Variants in EVI5 observed in about 807,000 individuals in gnomAD.
The protein encoded by EVI5 is ecotropic viral integration site 5.
EVI5 carries 73 observed loss-of-function variants against 112.0 expected under a neutral mutation model. The ratio of observed to expected loss-of-function variants is 0.65; its 90% CI spans 0.54 to 0.79. The LOEUF (loss-of-function observed/expected upper bound fraction) is 0.79, where lower values mean the gene tolerates loss of function less well. Among genes scored for constraint, EVI5 ranks in the 30% least tolerant of loss-of-function variants. The pLI, the probability that EVI5 is intolerant of heterozygous loss-of-function variation, is 0.00. For missense variants in EVI5, 900 were observed against 968.8 expected (o/e 0.93, Z 0.94); for synonymous variants, 305 against 319.9 (o/e 0.95, Z 0.50).
chr1:92,654,247 C>T (rs1459688793), intron 13 of EVI5, among the ~76,000 whole-genome samples: 1 of 152,138 alleles, frequency 6.6e-6, no homozygotes, highest in Non-Finnish European at 1.5e-5. Flanking sequence ...TTACCCACAA[C>T]CACCACCTAC....
intron 1 of EVI5, among the ~76,000 whole-genome samples, chr1:92,744,901 A>C (rs1240808385): frequency 6.6e-6 from 1 of 152,080 alleles, no homozygotes; most frequent in East Asian, 1.9e-4. Flanking sequence ...AGTAGAAGGT[A>C]GAGGAATTTA....
intron 1 of EVI5, among the ~76,000 whole-genome samples, chr1:92,773,546 G>A (rs116119237): frequency 4.9e-3 from 743 of 152,020 alleles, no homozygotes; most frequent in African/African-American, 0.017. Flanking sequence ...GAAAGCTGAG[G>A]CAGGAAGATC....
intron 19 of EVI5, among the ~76,000 whole-genome samples, chr1:92,553,304 T>C (rs1327515749): frequency 1.4e-5 from 2 of 138,052 alleles, no homozygotes; most frequent in Non-Finnish European, 3.1e-5. Context: ...CCAATTTTTT[T>C]TTTTTTTTTT....
chr1:92,782,255 T>A (rs1684960567), intron 1 of EVI5, among the ~76,000 whole-genome samples: 1 of 151,372 alleles, frequency 6.6e-6, no homozygotes, highest in Non-Finnish European at 1.5e-5. Context: ...AGACTCCATC[T>A]TACAAAACAA....
chr1:92,703,802 A>G (rs998458441), intron 3 of EVI5, 183 bp from the exon 4 acceptor site: 14 of 553,002 alleles, frequency 2.5e-5, no homozygotes, highest in Non-Finnish European at 4.3e-5. Flanking sequence ...CCCTGGGTGT[A>G]TCCTCTTCTG....
chr1:92,727,936 G>C (rs560393475), intron 2 of EVI5, among the ~76,000 whole-genome samples: 69 of 151,460 alleles, frequency 4.6e-4, no homozygotes, highest in African/African-American at 1.6e-3. Flanking sequence ...GAAGGCTGCA[G>C]TGAGCCATGA....
At chr1:92,707,278 GA>G (rs1180638740) in intron 2 of EVI5, among the ~76,000 whole-genome samples, 3 of 145,898 alleles carry the variant, frequency 2.1e-5, no homozygotes, top group African/African-American at 7.6e-5. Context: ...AACTACAAAA[GA>G]AAAAATTGAT....
intron 2 of EVI5, among the ~76,000 whole-genome samples, chr1:92,720,582 A>G (rs1279500379): frequency 1.3e-5 from 2 of 152,200 alleles, no homozygotes; most frequent in Non-Finnish European, 2.9e-5. Context: ...CTAGAAGAAA[A>G]CCTAAGCAAT....
intron 16 of EVI5, among the ~76,000 whole-genome samples, chr1:92,614,047 T>G (rs1449812808): frequency 6.6e-6 from 1 of 152,232 alleles, no homozygotes; most frequent in Non-Finnish European, 1.5e-5. Flanking sequence ...AAACAGCTCC[T>G]ACTCTAAAAA....
intron 14 of EVI5, among the ~76,000 whole-genome samples, chr1:92,628,991 A>G (rs764880078): frequency 6.6e-6 from 1 of 152,252 alleles, no homozygotes; most frequent in Non-Finnish European, 1.5e-5. Flanking sequence ...TCTACTTTAT[A>G]ACATGAAAAA....
At position 92,662,860 on chromosome 1, in the gene EVI5, T is replaced by TAA; in HGVS notation, c.1250_1251insTT (p.Gln417HisfsTer2). 7.8e-7 allele frequency: 1 copy of TAA among 1,285,484 alleles called. No individual in the cohort carries two copies. Among genetic ancestry groups the TAA allele is most frequent in the Non-Finnish European group, 1.0e-6 (1 of 987,544 alleles). The allele number at this position is 1,285,484 out of a possible 1,614,324, so 79.6% of individuals were successfully genotyped here. On this transcript the variant is annotated frameshift_variant, in exon 13 of 20. Coordinates refer to ENST00000684568, the MANE Select transcript of EVI5 (RefSeq NM_001350197.2). LOFTEE classifies it high-confidence loss of function. Reference sequence around the variant, plus strand: ...CCTCAGCCTCCTGGGCTCTTGTCACTTGTCCCTTAGGACATAATTTTTGTG... The same window carrying TAA: ...CCTCAGCCTCCTGGGCTCTTGTCACTAATGTCCCTTAGGACATAATTTTTGTG...
chr1:92,555,198 A>G (rs1320883691), intron 19 of EVI5, among the ~76,000 whole-genome samples: 1 of 152,186 alleles, frequency 6.6e-6, no homozygotes, highest in Non-Finnish European at 1.5e-5. Context: ...GGTACTTTAC[A>G]CTGCTCTAAT....
At chr1:92,546,406 G>GA (rs990025254) in intron 19 of EVI5, among the ~76,000 whole-genome samples, 1 of 151,620 alleles carries the variant, frequency 6.6e-6, no homozygotes, top group Non-Finnish European at 1.5e-5. Flanking sequence ...CTTACCAAAT[G>GA]AAAAAAAATA....
At chr1:92,547,548 A>G (rs1381236981) in intron 19 of EVI5, among the ~76,000 whole-genome samples, 1 of 152,218 alleles carries the variant, frequency 6.6e-6, no homozygotes, top group Non-Finnish European at 1.5e-5. Flanking sequence ...CAAAAAATCA[A>G]TGAATCCAGG....
At chr1:92,604,285 T>C (rs1247923190) in intron 18 of EVI5, among the ~76,000 whole-genome samples, 1 of 151,614 alleles carries the variant, frequency 6.6e-6, no homozygotes, top group Admixed American at 6.6e-5. Context: ...GAGCCAGGAG[T>C]TGGAGTCTGC....
chr1:92,604,990 T>C (rs948020349), intron 18 of EVI5, among the ~76,000 whole-genome samples: 12 of 152,134 alleles, frequency 7.9e-5, no homozygotes, highest in Non-Finnish European at 1.5e-5. Flanking sequence ...TTCCAGTTGC[T>C]GGTGGTTGCC....
rs199580999 is a variant in EVI5, at chr1:92,513,426, T to A, written c.*230A>T. 81 of 180,324 alleles carry A rather than the reference T, an allele frequency of 4.5e-4. No homozygotes were observed. Among genetic ancestry groups the A allele is most frequent in the Non-Finnish European group, 7.1e-4 (62 of 87,530 alleles). The allele number at this position is 180,324 out of a possible 1,614,324, so 11.2% of individuals were successfully genotyped here. On this transcript the variant is annotated 3_prime_UTR_variant, in exon 20 of 20. Coordinates refer to ENST00000684568, the MANE Select transcript of EVI5 (RefSeq NM_001350197.2). Reference sequence around the variant, plus strand: ...TACTGTTAGAACCTTGTTTTACACATTAACCATATACCAGTCTACTTTATG... The same window carrying A: ...TACTGTTAGAACCTTGTTTTACACAATAACCATATACCAGTCTACTTTATG...
upstream of EVI5, among the ~76,000 whole-genome samples, chr1:92,785,302 T>C (rs1447693380): frequency 2.0e-5 from 3 of 152,206 alleles, no homozygotes; most frequent in Non-Finnish European, 4.4e-5. Flanking sequence ...GTCCTGCAAG[T>C]CGCCGACTTC....
chr1:92,535,399 C>T (rs1663692106), intron 19 of EVI5, among the ~76,000 whole-genome samples: 1 of 152,094 alleles, frequency 6.6e-6, no homozygotes, highest in African/African-American at 2.4e-5. Flanking sequence ...CCAGCAATCC[C>T]CTTACTGGGT....
Sources: allele counts gnomAD v4.1 joint callset (sites outside exome capture counted in the v4.1 genomes callset), GRCh38; gene constraint gnomAD v4.1.1; transcripts MANE v1.5; gene names NCBI Gene and HGNC (gene_info 2026-07-23, HGNC 2026-07-21).